Variants in UBE2W observed in about 807,000 individuals in gnomAD.
The protein encoded by UBE2W is ubiquitin conjugating enzyme E2 W.
UBE2W carries 18 observed loss-of-function variants against 27.2 expected under a neutral mutation model. The ratio of observed to expected loss-of-function variants is 0.66; its 90% CI spans 0.46 to 0.98. The LOEUF is 0.98. Among genes scored for constraint, UBE2W ranks in the 50% least tolerant of loss-of-function variants. The pLI, the probability that UBE2W is intolerant of heterozygous loss-of-function variation, is 0.00. For synonymous variants in UBE2W, 53 were observed against 57.2 expected (o/e 0.93, Z 0.33); for missense variants, 90 against 180.2 (o/e 0.50, Z 2.87).
intron 1 of UBE2W, among the ~76,000 whole-genome samples, chr8:73,846,158 C>T (rs771712386): frequency 6.6e-6 from 1 of 152,144 alleles, no homozygotes; most frequent in Admixed American, 6.6e-5. Context: ...GAGGCTGAGG[C>T]GGGTAGATCA....
downstream of UBE2W, among the ~76,000 whole-genome samples, chr8:73,782,169 G>C (rs937287662): frequency 6.6e-6 from 1 of 151,426 alleles, no homozygotes; most frequent in African/African-American, 2.4e-5. Context: ...GAATGGTCTC[G>C]ATCTCTTGAC....
At chr8:73,847,087 C>A (rs1042986387) in intron 1 of UBE2W, among the ~76,000 whole-genome samples, 1 of 151,906 alleles carries the variant, frequency 6.6e-6, no homozygotes, top group East Asian at 1.9e-4. Flanking sequence ...GAGAATTGCT[C>A]GAACCAGGGA....
chr8:73,810,405 A>G, intron 4 of UBE2W, 69 bp downstream of exon 4: 1 of 1,380,918 alleles, frequency 7.2e-7, no homozygotes, highest in Non-Finnish European at 9.8e-7. Context: ...AAATAATTAC[A>G]TATTAAAATT....
At chr8:73,804,555 CTT>C (rs57819629) in intron 5 of UBE2W, among the ~76,000 whole-genome samples, 2 of 146,606 alleles carry the variant, frequency 1.4e-5, no homozygotes, top group Non-Finnish European at 1.5e-5. Context: ...CAGAATCTCA[CTT>C]TTTTTTTTTT....
chr8:73,781,593 T>C (rs2130824656), downstream of UBE2W, among the ~76,000 whole-genome samples: 1 of 151,508 alleles, frequency 6.6e-6, no homozygotes, highest in East Asian at 2.0e-4. Flanking sequence ...AGCATGGATT[T>C]TGGAATTTGT....
intron 1 of UBE2W, among the ~76,000 whole-genome samples, chr8:73,836,817 G>A (rs1810325845): frequency 6.6e-6 from 1 of 152,180 alleles, no homozygotes; most frequent in South Asian, 2.1e-4. Flanking sequence ...AACCATCATG[G>A]CCATACTGGC....
rs556895557 is a variant in UBE2W at position 73,806,645 on chromosome 8, G to A, written c.367-919C>T. 3.9e-5 allele frequency among the ~76,000 whole-genome samples: 6 copies of A among 152,142 alleles called. No individual in the cohort carries two copies. In the East Asian group the frequency reaches 1.2e-3, roughly 29 times the overall value. The stretch of plus-strand genomic sequence containing the variant: ...GAGAATGGCGTGAGACTGGGAGGCG[G>A]AGCTTGCAATGAGCCGAGATTGCGC... On this transcript the variant is annotated intron_variant, in intron 4 of 5. Coordinates refer to ENST00000602593, the MANE Select transcript of UBE2W (RefSeq NM_018299.6).
intron 2 of UBE2W, among the ~76,000 whole-genome samples, chr8:73,827,465 C>T (rs764870098): frequency 9.9e-5 from 15 of 152,246 alleles, no homozygotes; most frequent in Non-Finnish European, 2.1e-4. Flanking sequence ...CTGCCCGCCT[C>T]GGCGTCCCAA....
At chr8:73,837,249 A>C (rs1463560777) in intron 1 of UBE2W, among the ~76,000 whole-genome samples, 2 of 152,232 alleles carry the variant, frequency 1.3e-5, no homozygotes, top group African/African-American at 4.8e-5. Context: ...GCGGTGGCTC[A>C]TGCCTGTAAT....
intron 3 of UBE2W, among the ~76,000 whole-genome samples, chr8:73,813,710 C>A (rs1809268487): frequency 6.6e-6 from 1 of 151,030 alleles, no homozygotes; most frequent in Admixed American, 6.6e-5. Flanking sequence ...TTCAATAGTT[C>A]ATTCACATAA....
chr8:73,804,461 C>G (rs920186601), intron 5 of UBE2W, among the ~76,000 whole-genome samples: 1 of 152,016 alleles, frequency 6.6e-6, no homozygotes, highest in African/African-American at 2.4e-5. Flanking sequence ...GAAATACTAG[C>G]AGCTCTGAAT....
intron 1 of UBE2W, among the ~76,000 whole-genome samples, chr8:73,847,263 G>A (rs1563616078): frequency 6.6e-6 from 1 of 152,030 alleles, no homozygotes; most frequent in Admixed American, 6.5e-5. Flanking sequence ...GAAAAGAAAC[G>A]CAACCTCACT....
chr8:73,871,192 G>A (rs191028738), intron 1 of UBE2W, among the ~76,000 whole-genome samples: 19 of 152,292 alleles, frequency 1.2e-4, no homozygotes, highest in African/African-American at 4.6e-4. Context: ...CAGGAATTCA[G>A]AAAATCAGTT....
chr8:73,803,351 C>G (rs1217852359), intron 5 of UBE2W, among the ~76,000 whole-genome samples: 6 of 152,196 alleles, frequency 3.9e-5, no homozygotes, highest in Non-Finnish European at 8.8e-5. Flanking sequence ...CCCCTTATCA[C>G]TGATTTGTAA....
chr8:73,796,584 C>T lies in UBE2W; in HGVS notation c.443-2469G>A, dbSNP rs1468264487. On this transcript the variant is annotated intron_variant, in intron 5 of 5. Coordinates refer to ENST00000602593, the MANE Select transcript of UBE2W (RefSeq NM_018299.6). The stretch of plus-strand genomic sequence containing the variant: ...ACTTTCCAGATCCCAATCCCTGTTT[C>T]TGACTGATATGATACTACCCACCTT... The T allele has an allele frequency of 4.3e-6, 4 of 923,806 alleles. No individual in the cohort carries two copies. The East Asian group carries it at 4.7e-4, about 109-fold the overall frequency. The allele number at this position is 923,806 out of a possible 1,614,324, so 57.2% of individuals were successfully genotyped here.
At chr8:73,853,322 T>G (rs1406749861) in intron 1 of UBE2W, among the ~76,000 whole-genome samples, 1 of 152,206 alleles carries the variant, frequency 6.6e-6, no homozygotes, top group Non-Finnish European at 1.5e-5. Flanking sequence ...TGGCAAAGTC[T>G]TAGTTGCCCA....
chr8:73,878,834 C>T lies in UBE2W; in HGVS notation c.-12G>A, dbSNP rs1432180290. ...TGCATTGACGCCATGATGGAACCAT[C>T]CCCCCAAGACCGGCGAGGCCAGAGA... On this transcript the variant is annotated 5_prime_UTR_variant, in exon 1 of 6. Coordinates refer to ENST00000602593, the MANE Select transcript of UBE2W (RefSeq NM_018299.6). 5 of 1,549,378 alleles carry T rather than the reference C, an allele frequency of 3.2e-6. No homozygotes were observed. The highest frequency in any genetic ancestry group is 2.4e-5 in the South Asian group (2 of 83,970).
chr8:73,822,745 C>G (rs1809676957), intron 3 of UBE2W, among the ~76,000 whole-genome samples: 1 of 151,578 alleles, frequency 6.6e-6, no homozygotes, highest in African/African-American at 2.4e-5. Context: ...GATTGCACCA[C>G]TGCACTCCAA....
At chr8:73,854,627 G>C (rs78855281) in intron 1 of UBE2W, among the ~76,000 whole-genome samples, 3,520 of 152,200 alleles carry the variant, frequency 0.023, 141 homozygotes, top group African/African-American at 0.081. Context: ...GGATAAAATT[G>C]GTACCATAGA....
Sources: allele counts gnomAD v4.1 joint callset (sites outside exome capture counted in the v4.1 genomes callset), GRCh38; gene constraint gnomAD v4.1.1; transcripts MANE v1.5; gene names NCBI Gene and HGNC (gene_info 2026-07-23, HGNC 2026-07-21).